CYFIP1: variants seen among roughly 807,000 people sequenced by gnomAD.
CYFIP1 encodes the protein cytoplasmic FMR1-interacting protein 1.
Under a neutral mutation model 163.5 loss-of-function variants are expected in CYFIP1, and 58 were observed. The observed-to-expected ratio is 0.35, with a 90% CI of 0.29 to 0.44. The LOEUF is 0.44. CYFIP1 is among the 20% of genes least tolerant of loss of function. CYFIP1 has a pLI of 1.00. For synonymous variants in CYFIP1, 663 were observed against 660.7 expected (o/e 1.00, Z -0.05); for missense variants, 1,338 against 1,653.8 (o/e 0.81, Z 3.31).
intron 11 of CYFIP1, among the ~76,000 whole-genome samples, chr15:22,930,624 T>C (rs1009309353): frequency 6.6e-6 from 1 of 152,060 alleles, no homozygotes; most frequent in African/African-American, 2.4e-5. Context: ...TGTTTGGGTC[T>C]TCATTTTTAA....
chr15:22,975,051 A>T (rs1439894533), intron 1 of CYFIP1, among the ~76,000 whole-genome samples: 1 of 151,992 alleles, frequency 6.6e-6, no homozygotes, highest in African/African-American at 2.4e-5. Flanking sequence ...ATGAGTAGTC[A>T]GTTTATTTCC....
At chr15:22,899,498 TGTGA>T (rs796212425) in intron 22 of CYFIP1, among the ~76,000 whole-genome samples, 84 of 152,130 alleles carry the variant, frequency 5.5e-4, no homozygotes, top group African/African-American at 1.9e-3. Flanking sequence ...TTTTCATGAT[TGTGA>T]GTGAGTCTCA....
chr15:22,919,306 T>C (rs928019838), intron 13 of CYFIP1, among the ~76,000 whole-genome samples: 1 of 152,192 alleles, frequency 6.6e-6, no homozygotes, highest in African/African-American at 2.4e-5. Context: ...CATAATTACA[T>C]GACAAAGAGC....
In CYFIP1 at chr15:22,918,772, G is replaced by A. The variant is rs763569306; in HGVS notation, c.1446C>T (p.Ala482=). The change falls in exon 14 of 31, where the codon GCC becomes GCT. Residue 482 remains alanine, a synonymous_variant. Transcript: ENST00000617928. ...TCACCTGGGAGAAGTCCTGCAGTGCGGCATAGACGGTGTGCCGGATGGCGT... is the reference window on the plus strand; with the variant it reads ...TCACCTGGGAGAAGTCCTGCAGTGCAGCATAGACGGTGTGCCGGATGGCGT... ...FNHAIRHTVY[A]ALQDFSQVTL... is the part of the protein sequence containing the mutation. 9 of 1,613,552 alleles carry A rather than the reference G, an allele frequency of 5.6e-6. No homozygotes were observed. Among genetic ancestry groups the A allele is most frequent in the South Asian group, 1.1e-5 (1 of 91,068 alleles).
At chr15:22,938,892 C>G (rs1253244986) in intron 8 of CYFIP1, among the ~76,000 whole-genome samples, 1 of 145,328 alleles carries the variant, frequency 6.9e-6, no homozygotes, top group African/African-American at 2.6e-5. Flanking sequence ...AAGAGCAACA[C>G]CCTGCCTTGA....
intron 1 of CYFIP1, among the ~76,000 whole-genome samples, chr15:22,978,094 G>T (rs2063337407): frequency 6.6e-6 from 1 of 151,850 alleles, no homozygotes; most frequent in Admixed American, 6.6e-5. Context: ...GCTCATGCCT[G>T]TAATACCAGC....
At chr15:22,953,128 A>G (rs1464475289) in intron 1 of CYFIP1, among the ~76,000 whole-genome samples, 1 of 152,140 alleles carries the variant, frequency 6.6e-6, no homozygotes, top group Non-Finnish European at 1.5e-5. Context: ...CTTCTGCCTC[A>G]CCCTGTTAGG....
chr15:22,901,010 C>T (rs887563064), intron 22 of CYFIP1, among the ~76,000 whole-genome samples: 2 of 151,682 alleles, frequency 1.3e-5, no homozygotes, highest in Non-Finnish European at 2.9e-5. Flanking sequence ...TGAGATCAGC[C>T]TGGCCAACAT....
intron 22 of CYFIP1, among the ~76,000 whole-genome samples, chr15:22,894,222 C>T (rs2060160712): frequency 6.6e-6 from 1 of 151,248 alleles, no homozygotes; most frequent in African/African-American, 2.4e-5. Flanking sequence ...GAGTAAAAAT[C>T]CATGCAGGGA....
intron 26 of CYFIP1, among the ~76,000 whole-genome samples, chr15:22,877,524 C>G (rs1209358849): frequency 6.6e-6 from 1 of 152,204 alleles, no homozygotes; most frequent in Non-Finnish European, 1.5e-5. Context: ...ATTTAAAATT[C>G]ATAATGAGAG....
At chr15:22,954,199 C>T (rs2062361669) in intron 1 of CYFIP1, among the ~76,000 whole-genome samples, 2 of 152,148 alleles carry the variant, frequency 1.3e-5, no homozygotes, top group Non-Finnish European at 2.9e-5. Context: ...GGGAAGACCA[C>T]GAGAGGACAC....
At chr15:22,875,304 AG>A (rs777106876) in intron 26 of CYFIP1, 33 bp from the exon 27 acceptor site, 60 of 1,598,720 alleles carry the variant, frequency 3.8e-5, no homozygotes, top group Non-Finnish European at 4.9e-5. Flanking sequence ...CAAGCTAGGA[AG>A]GGTATCTCGC....
At chr15:22,906,462 ATTTTT>A (rs58360718) in intron 21 of CYFIP1, among the ~76,000 whole-genome samples, 1 of 87,500 alleles carries the variant, frequency 1.1e-5, no homozygotes, top group African/African-American at 4.6e-5. Flanking sequence ...AGCAACTACT[ATTTTT>A]TTTTTTTTTT....
At chr15:22,877,621 T>C (rs1259704028) in intron 26 of CYFIP1, among the ~76,000 whole-genome samples, 1 of 152,174 alleles carries the variant, frequency 6.6e-6, no homozygotes, top group Admixed American at 6.5e-5. Flanking sequence ...AGGGCCACCC[T>C]GGACACTGGC....
At chr15:22,979,656 C>G (rs539337678) in intron 1 of CYFIP1, among the ~76,000 whole-genome samples, 66 of 152,296 alleles carry the variant, frequency 4.3e-4, no homozygotes, top group African/African-American at 1.6e-3. Context: ...AAATTAAGCT[C>G]ACGCATTTCA....
At chr15:22,946,341 C>T (rs4778474) in intron 3 of CYFIP1, among the ~76,000 whole-genome samples, 73,140 of 151,424 alleles carry the variant, frequency 0.48, 17,888 homozygotes, top group Middle Eastern at 0.6. Flanking sequence ...GTTGATGAGA[C>T]CATTAAAATG....
Position 22,927,892 on chromosome 15 carries a change from G to C in CYFIP1, c.1233+14C>G, listed in dbSNP as rs962884271. 3 of 1,592,216 alleles carry C rather than the reference G, an allele frequency of 1.9e-6. No individual in the cohort carries two copies. Among genetic ancestry groups the C allele is most frequent in the East Asian group, 4.6e-5 (2 of 43,186 alleles). On this transcript the variant is annotated intron_variant, in intron 12 of 30. Transcript: ENST00000617928. ...CAGCTTTGGAGCGGGGCTGGGGTCG[G>C]GGACGGGGCCTACCACTTCCATCAC...
At chr15:22,980,610 C>T (rs1046183971), upstream of CYFIP1, among the ~76,000 whole-genome samples, 1 of 151,936 alleles carries the variant, frequency 6.6e-6, no homozygotes, top group East Asian at 1.9e-4. Context: ...ACGGCGGGGT[C>T]GGAGCGGAGC....
intron 21 of CYFIP1, among the ~76,000 whole-genome samples, chr15:22,907,781 C>A (rs191041441): frequency 1.3e-5 from 2 of 152,176 alleles, no homozygotes; most frequent in Non-Finnish European, 2.9e-5. Flanking sequence ...AGCTGTGGTT[C>A]GGGGGCCCGC....
Sources: allele counts gnomAD v4.1 joint callset (sites outside exome capture counted in the v4.1 genomes callset), GRCh38; gene constraint gnomAD v4.1.1; transcripts MANE v1.5; gene names NCBI Gene and HGNC (gene_info 2026-07-23, HGNC 2026-07-21).